ECSIT: variants seen among roughly 807,000 people sequenced by gnomAD.
The protein encoded by ECSIT is ECSIT signaling integrator, also known as evolutionarily conserved signaling intermediate in Toll pathway, mitochondrial.
ECSIT carries 29 observed loss-of-function variants against 36.8 expected under a neutral mutation model. That is an observed-to-expected ratio of 0.79 (90% CI 0.59 to 1.08). The LOEUF (loss-of-function observed/expected upper bound fraction) is 1.08, where lower values mean the gene tolerates loss of function less well. Ranked by LOEUF, ECSIT falls within the 50% of genes least tolerant of loss-of-function variation. The probability of loss-of-function intolerance (pLI) is 0.00; values close to 1 mark genes in which losing one functional copy is unlikely to be tolerated. For missense variants in ECSIT, 542 were observed against 581.0 expected (o/e 0.93, Z 0.69); for synonymous variants, 231 against 234.8 (o/e 0.98, Z 0.15).
intron 4 of ECSIT, among the ~76,000 whole-genome samples, chr19:11,511,887 G>A (rs568782516): frequency 8.6e-5 from 13 of 152,034 alleles, no homozygotes; most frequent in Non-Finnish European, 1.5e-4. Context: ...ACAAAAATTA[G>A]CTGGGCCTGG....
intron 2 of ECSIT, among the ~76,000 whole-genome samples, chr19:11,517,699 C>T (rs1001809750): frequency 2.6e-5 from 4 of 152,002 alleles, no homozygotes; most frequent in Non-Finnish European, 4.4e-5. Flanking sequence ...AAATGCCTAA[C>T]GAGGGGGAAA....
In ECSIT at chr19:11,514,287, G is replaced by A; in HGVS notation, c.97-66C>T. ...GTGTCTATGGGGGGCCGCCAGGCTG[G>A]CTCTTTCCTCAGAGAGGTCCCAGTG... On this transcript the variant is annotated intron_variant, in intron 2 of 7. Coordinates refer to ENST00000270517, the MANE Select transcript of ECSIT (RefSeq NM_016581.5). 4.8e-6 allele frequency: 7 copies of A among 1,457,268 alleles called. No individual in the cohort carries two copies. The South Asian group carries it at 8.4e-5, about 17-fold the overall frequency. The allele number at this position is 1,457,268 out of a possible 1,614,324, so 90.3% of individuals were successfully genotyped here.
Position 11,519,035 on chromosome 19 carries a change from T to G in ECSIT, c.96+40A>C, listed in dbSNP as rs1379746137. On this transcript the variant is annotated intron_variant, in intron 2 of 7. Coordinates refer to ENST00000270517, the MANE Select transcript of ECSIT (RefSeq NM_016581.5). This position sits in a 1 kb window ranked among gnomAD's most constrained non-coding sequence, Gnocchi z 4.4. ...AGGAGTTGGGAGCAAATCCCAAGCTTACCTCCCTCTACCCAAAAGACTGCC... is the reference window on the plus strand; with the variant it reads ...AGGAGTTGGGAGCAAATCCCAAGCTGACCTCCCTCTACCCAAAAGACTGCC... 1 of 1,514,778 alleles carries G rather than the reference T, an allele frequency of 6.6e-7. No individual in the cohort carries two copies. Among genetic ancestry groups the G allele is most frequent in the East Asian group, 2.5e-5 (1 of 40,702 alleles). The allele number at this position is 1,514,778 out of a possible 1,614,324, so 93.8% of individuals were successfully genotyped here.
intron 1 of ECSIT, among the ~76,000 whole-genome samples, chr19:11,527,555 C>G (rs964723844): frequency 6.6e-6 from 1 of 151,792 alleles, no homozygotes; most frequent in Admixed American, 6.6e-5. Flanking sequence ...GTGGTGAATG[C>G]CTGTCATCTC....
At chr19:11,509,638 C>T (rs1971829978) in intron 4 of ECSIT, among the ~76,000 whole-genome samples, 1 of 151,006 alleles carries the variant, frequency 6.6e-6, no homozygotes, top group South Asian at 2.1e-4. Context: ...CGTGGTGGCA[C>T]ACGCCTGTAG....
chr19:11,507,695 C>T lies in ECSIT; in HGVS notation c.945+7G>A, dbSNP rs1188275754. On this transcript the variant is annotated splice_region_variant and intron_variant, in intron 6 of 7. Coordinates refer to ENST00000270517, the MANE Select transcript of ECSIT (RefSeq NM_016581.5). ...GCCCCAACACATGCTTTGCTTTAAGCCCTCACCCTCTCCTCCGGGGGCAGC... is the reference window on the plus strand; with the variant it reads ...GCCCCAACACATGCTTTGCTTTAAGTCCTCACCCTCTCCTCCGGGGGCAGC... The T allele has an allele frequency of 1.5e-5, 25 of 1,613,958 alleles. No homozygotes were observed. Among genetic ancestry groups the T allele is most frequent in the Non-Finnish European group, 2.1e-5 (25 of 1,180,034 alleles).
intron 1 of ECSIT, chr19:11,523,584 G>A: frequency 1.0e-6 from 1 of 995,524 alleles, no homozygotes; most frequent in South Asian, 1.3e-5. Flanking sequence ...GCCCATCTTT[G>A]TGTGCTTGAT....
intron 1 of ECSIT, among the ~76,000 whole-genome samples, chr19:11,526,917 A>C (rs1187127728): frequency 2.0e-5 from 3 of 151,410 alleles, no homozygotes; most frequent in Admixed American, 6.6e-5. Flanking sequence ...ATGGGGTTTC[A>C]TCATGTTGCT....
intron 4 of ECSIT, 97 bp downstream of exon 4, chr19:11,512,959 C>G: frequency 1.6e-6 from 2 of 1,257,948 alleles, no homozygotes; most frequent in Non-Finnish European, 2.3e-6. Context: ...GAACTTGATT[C>G]ACCACAATCA....
At chr19:11,518,469 A>T (rs10406077) in intron 2 of ECSIT, among the ~76,000 whole-genome samples, 1 of 151,850 alleles carries the variant, frequency 6.6e-6, no homozygotes, top group African/African-American at 2.4e-5. Flanking sequence ...CAAATCAGTG[A>T]TCCCAGCTAC....
At position 11,513,145 on chromosome 19, in the gene ECSIT, G is replaced by A. The variant is rs763948307; in HGVS notation, c.649C>T (p.Arg217Trp). The A allele has an allele frequency of 5.0e-6, 8 of 1,614,050 alleles. No homozygotes were observed. The highest frequency in any genetic ancestry group is 2.7e-5 in the African/African-American group (2 of 74,918). Residue 217 changes from arginine (R) to tryptophan (W), a missense_variant, in exon 4 of 8, where the codon CGG becomes TGG. By Grantham distance (101) the Arg-to-Trp change is moderately radical. Transcript: ENST00000270517. The stretch of plus-strand genomic sequence containing the variant: ...TCCACAGGGTCCTGGGGCAGGTCCC[G>A]GGGCACTGGGAAGGGGTTGACGTTC... Reference protein sequence around the residue: ...FMNVNPFPVPRDLPQDPVELA... With the variant: ...FMNVNPFPVPWDLPQDPVELA...
chr19:11,509,512 A>G (rs1971827171), intron 4 of ECSIT, among the ~76,000 whole-genome samples: 1 of 151,724 alleles, frequency 6.6e-6, no homozygotes, highest in Non-Finnish European at 1.5e-5. Flanking sequence ...TCATGCCTGT[A>G]ATCCCAGCAC....
In ECSIT at chr19:11,505,942, C is replaced by A; in HGVS notation, c.*242G>T. The stretch of plus-strand genomic sequence containing the variant: ...GGAAACTGCGCATGCGCACAACCAA[C>A]AGCGCTCCCGCCCCTTTTTATTTGA... On this transcript the variant is annotated 3_prime_UTR_variant, in exon 8 of 8. Transcript: ENST00000270517. The A allele has an allele frequency of 1.1e-6, 1 of 898,470 alleles. No individual in the cohort carries two copies. The highest frequency in any genetic ancestry group is 1.6e-6 in the Non-Finnish European group (1 of 621,752). 55.7% of individuals were successfully genotyped at this position (898,470 alleles called of 1,614,324 possible). A position where few individuals can be genotyped will look rare whatever the true frequency, so the allele number is the denominator to read the frequency against.
intron 2 of ECSIT, among the ~76,000 whole-genome samples, chr19:11,514,530 G>C (rs1158061055): frequency 6.8e-6 from 1 of 147,140 alleles, no homozygotes; most frequent in Non-Finnish European, 1.5e-5. Context: ...TTTTTTTTTT[G>C]GTTTTTTTTT....
intron 4 of ECSIT, among the ~76,000 whole-genome samples, chr19:11,509,463 G>A (rs1416127624): frequency 6.6e-6 from 1 of 150,722 alleles, no homozygotes; most frequent in Non-Finnish European, 1.5e-5. Flanking sequence ...ATCCTTTCAA[G>A]TTAAAAAAAA....
intron 1 of ECSIT, chr19:11,528,609 C>T (rs991433663): frequency 6.6e-6 from 1 of 152,170 alleles, no homozygotes; most frequent in Admixed American, 6.5e-5. Context: ...ATCTATCTTC[C>T]TCATTGCTGT....
intron 1 of ECSIT, among the ~76,000 whole-genome samples, chr19:11,523,232 C>T (rs1475600627): frequency 6.6e-6 from 1 of 152,126 alleles, no homozygotes; most frequent in Non-Finnish European, 1.5e-5. Flanking sequence ...GATCCACTTC[C>T]ACCTAATGAA....
intron 1 of ECSIT, chr19:11,521,974 G>A: frequency 5.6e-6 from 1 of 178,088 alleles, no homozygotes; most frequent in Non-Finnish European, 1.2e-5. Flanking sequence ...TGCCATGAAG[G>A]CCTCGGGCAC....
chr19:11,523,328 T>TATAA, intron 1 of ECSIT: 1 of 291,478 alleles, frequency 3.4e-6, no homozygotes, highest in Non-Finnish European at 6.2e-6. Flanking sequence ...TATATATATA[T>TATAA]ATAACATTAA....
Sources: gnomAD v4.1 joint callset for allele counts (sites outside exome capture counted in the v4.1 genomes callset) on GRCh38, gnomAD v4.1.1 for gene constraint, Gnocchi (gnomAD v3.1) non-coding constraint, MANE v1.5 for transcripts, NCBI Gene and HGNC (gene_info 2026-07-23, HGNC 2026-07-21) for gene names.